Variants in PCDHGA4 observed in about 807,000 individuals in gnomAD.
PCDHGA4 encodes protocadherin gamma-A4.
A neutral mutation model predicts 54.6 loss-of-function variants in PCDHGA4; 38 were observed. The ratio of observed to expected loss-of-function variants is 0.70; its 90% CI spans 0.54 to 0.91. The LOEUF is 0.91. Among genes scored for constraint, PCDHGA4 ranks in the 40% least tolerant of loss-of-function variants. The probability of loss-of-function intolerance (pLI) is 0.00; values close to 1 mark genes in which losing one functional copy is unlikely to be tolerated. For missense variants in PCDHGA4, 1,298 were observed against 1,220.9 expected (o/e 1.06, Z -0.94); for synonymous variants, 511 against 512.9 (o/e 1.00, Z 0.05).
rs776120937 is a variant in PCDHGA4 at position 141,388,588 on chromosome 5, C to A, written c.2514+30967C>A. On this transcript the variant is annotated intron_variant, in intron 1 of 3. Transcript: ENST00000571252. ...CAGATACACGTTCTAGTGACTGATG[C>A]CAATGATAATGCTCCAGTGTTCAGT... The A allele has an allele frequency of 1.9e-6, 3 of 1,613,876 alleles. No individual in the cohort carries two copies. The South Asian group carries it at 3.3e-5, about 18-fold the overall frequency.
At chr5:141,478,884 C>A in intron 1 of PCDHGA4, 1 of 1,194,298 alleles carries the variant, frequency 8.4e-7, no homozygotes, top group Non-Finnish European at 1.1e-6. Flanking sequence ...AGCTTGGTAT[C>A]ATTTACATTA....
chr5:141,375,205 A>G (rs1771239671), intron 1 of PCDHGA4: 3 of 1,614,000 alleles, frequency 1.9e-6, no homozygotes, highest in Non-Finnish European at 1.7e-6. Flanking sequence ...TGTTCGATCG[A>G]GACTCTGGCC....
At chr5:141,505,816 C>A (rs1236221927) in intron 3 of PCDHGA4, among the ~76,000 whole-genome samples, 2 of 152,178 alleles carry the variant, frequency 1.3e-5, no homozygotes, top group African/African-American at 4.8e-5. Flanking sequence ...CTTGCTCAAT[C>A]TCTCTAAACC....
At chr5:141,361,023 A>C (rs1171139053) in intron 1 of PCDHGA4, 1 of 1,613,384 alleles carries the variant, frequency 6.2e-7, no homozygotes. Flanking sequence ...ACTTAAATGA[A>C]AAAACAGGAG....
At position 141,493,157 on chromosome 5, in the gene PCDHGA4, T is replaced by C. The variant is rs1261889479; in HGVS notation, c.2515-1650T>C. ...TTGAAACACCCCCAGGTGATTTTGATAGCTGATTGAGAGAAACTTACTATA... is the reference window on the plus strand; with the variant it reads ...TTGAAACACCCCCAGGTGATTTTGACAGCTGATTGAGAGAAACTTACTATA... On this transcript the variant is annotated intron_variant, in intron 1 of 3. Coordinates refer to ENST00000571252, the MANE Select transcript of PCDHGA4 (RefSeq NM_018917.4). This position sits in a 1 kb window ranked among gnomAD's most constrained non-coding sequence, Gnocchi z 4.3. 2.0e-5 allele frequency among the ~76,000 whole-genome samples: 3 copies of C among 152,224 alleles called. No individual in the cohort carries two copies. Among genetic ancestry groups the C allele is most frequent in the Admixed American group, 6.5e-5 (1 of 15,286 alleles).
chr5:141,500,216 ATT>A (rs1562194139), intron 2 of PCDHGA4, among the ~76,000 whole-genome samples: 8 of 149,244 alleles, frequency 5.4e-5, no homozygotes, highest in African/African-American at 2.0e-4. Flanking sequence ...TTATTTATTT[ATT>A]TATTTATTGA....
rs1212381177 is a variant in PCDHGA4 at position 141,438,571 on chromosome 5, TATAC to T, written c.2515-56216_2515-56213del. ...GCCCTAATAAGAGGCAGCTGTCTGATATACATACATACATACATACATATATATA... is the reference window on the plus strand; with the variant it reads ...GCCCTAATAAGAGGCAGCTGTCTGATATACATACATACATACATATATATA... On this transcript the variant is annotated intron_variant, in intron 1 of 3. Transcript: ENST00000571252. 9.4e-4 allele frequency among the ~76,000 whole-genome samples: 89 copies of T among 94,500 alleles called. 1 individual carries two copies. The highest frequency in any genetic ancestry group is 1.8e-3 in the African/African-American group (37 of 20,720). The allele number at this position is 94,500 out of a possible 152,430, so 62.0% of individuals were successfully genotyped here.
intron 1 of PCDHGA4, among the ~76,000 whole-genome samples, chr5:141,467,395 G>A (rs1197131223): frequency 6.6e-6 from 1 of 152,056 alleles, no homozygotes; most frequent in African/African-American, 2.4e-5. Flanking sequence ...TTAAGTCATA[G>A]TTAGAAAGCC....
intron 1 of PCDHGA4, chr5:141,393,331 GC>G (rs3214276): frequency 0.09 from 144,732 of 1,613,856 alleles, 7,527 homozygotes; most frequent in African/African-American, 0.18. Flanking sequence ...TACCAGCTCA[GC>G]CCCAATCACC....
intron 1 of PCDHGA4, among the ~76,000 whole-genome samples, chr5:141,484,160 T>C (rs1451052819): frequency 2.6e-5 from 4 of 152,210 alleles, no homozygotes; most frequent in African/African-American, 7.2e-5. Flanking sequence ...CACAATGCTG[T>C]TGGTAGCTGA....
intron 1 of PCDHGA4, chr5:141,384,126 C>G: frequency 1.2e-6 from 2 of 1,610,938 alleles, no homozygotes; most frequent in Non-Finnish European, 1.7e-6. Context: ...CAACCAAAAA[C>G]TTGGACCGGG....
At chr5:141,423,029 A>C (rs1049470142) in intron 1 of PCDHGA4, 1 of 1,614,218 alleles carries the variant, frequency 6.2e-7, no homozygotes, top group Non-Finnish European at 8.5e-7. Context: ...GATTCAGGCC[A>C]GAACGCCTGG....
rs746848714 is a variant in PCDHGA4, at chr5:141,357,268, A to G, written c.2161A>G (p.Thr721Ala). 1.9e-6 allele frequency: 3 copies of G among 1,613,280 alleles called. No homozygotes were observed. The South Asian group carries it at 3.3e-5, about 18-fold the overall frequency. The change falls in exon 1 of 4, where the codon ACA becomes GCA. Residue 721 changes from threonine to alanine, a missense_variant. By Grantham distance (58) the Thr-to-Ala change is moderately conservative. Transcript: ENST00000571252. ...AGCAGACCCAGACGACTCGGGCCTCACACTCTATCTCGTGGTGGCAGTGGC... is the reference window on the plus strand; with the variant it reads ...AGCAGACCCAGACGACTCGGGCCTCGCACTCTATCTCGTGGTGGCAGTGGC... ...PSADPDDSGL[T>A]LYLVVAVAAV... is the part of the protein sequence containing the mutation.
At chr5:141,426,720 A>T (rs1448232477) in intron 1 of PCDHGA4, 4 of 447,600 alleles carry the variant, frequency 8.9e-6, no homozygotes, top group Non-Finnish European at 1.8e-5. Flanking sequence ...TGAACTAGCA[A>T]TTCCAGGCAT....
Position 141,357,432 on chromosome 5 carries a change from C to A in PCDHGA4, c.2325C>A (p.Asp775Glu), listed in dbSNP as rs1217622560. Residue 775 changes from aspartate (D) to glutamate (E), a missense_variant, in exon 1 of 4, where the codon GAC (aspartate) becomes GAA (glutamate). Coordinates refer to ENST00000571252, the MANE Select transcript of PCDHGA4 (RefSeq NM_018917.4). ...CTGCCTCGCACTTTGTGGGCGTGGA[C>A]GGGGTTCGGGCTTTCCTGCAGACCT... The part of the protein sequence containing the change: ...GVPASHFVGV[D>E]GVRAFLQTYS... 3.7e-6 allele frequency: 6 copies of A among 1,614,212 alleles called. No individual in the cohort carries two copies. Among genetic ancestry groups the A allele is most frequent in the Non-Finnish European group, 5.1e-6 (6 of 1,180,052 alleles).
At chr5:141,501,866 C>T (rs1193396289) in intron 2 of PCDHGA4, among the ~76,000 whole-genome samples, 4 of 152,108 alleles carry the variant, frequency 2.6e-5, no homozygotes, top group South Asian at 2.1e-4. Context: ...TTTCCCAGGA[C>T]GCCTCCTTAC....
intron 1 of PCDHGA4, chr5:141,394,844 T>C (rs2093111751): frequency 6.2e-7 from 1 of 1,613,752 alleles, no homozygotes. Context: ...AGTTGGGCAG[T>C]CTGAAGCCTT....
intron 1 of PCDHGA4, chr5:141,421,916 G>A (rs754653877): frequency 2.5e-6 from 4 of 1,613,646 alleles, no homozygotes; most frequent in Non-Finnish European, 2.5e-6. Flanking sequence ...GTTCCCATTC[G>A]TGTGGTGGTC....
In PCDHGA4 at chr5:141,410,693, A is replaced by AT. The variant is rs774266569; in HGVS notation, c.2514+53076dup. On this transcript the variant is annotated intron_variant, in intron 1 of 3. Coordinates refer to ENST00000571252, the MANE Select transcript of PCDHGA4 (RefSeq NM_018917.4). ...TCTCATATTTTAGGCATACTACTTT[A>AT]TTTTCATATCTAGAATCATATGTTT... The AT allele has an allele frequency of 1.1e-5, 17 of 1,496,786 alleles. No homozygotes were observed. In the Admixed American group the frequency reaches 3.7e-4, roughly 33 times the overall value. The allele number at this position is 1,496,786 out of a possible 1,614,324, so 92.7% of individuals were successfully genotyped here.
Sources: allele counts gnomAD v4.1 joint callset (sites outside exome capture counted in the v4.1 genomes callset), GRCh38; gene constraint gnomAD v4.1.1; non-coding constraint Gnocchi (gnomAD v3.1); transcripts MANE v1.5; gene names NCBI Gene and HGNC (gene_info 2026-07-23, HGNC 2026-07-21).